JPH1: variants seen among roughly 807,000 people sequenced by gnomAD.
JPH1 encodes junctophilin-1.
In JPH1, 12 loss-of-function variants were observed where a neutral mutation model predicts 53.6. The observed-to-expected ratio is 0.22, with a 90% CI of 0.14 to 0.36. The LOEUF (loss-of-function observed/expected upper bound fraction) is 0.36, where lower values mean the gene tolerates loss of function less well. Among genes scored for constraint, JPH1 ranks in the 10% least tolerant of loss-of-function variants. The pLI, the probability that JPH1 is intolerant of heterozygous loss-of-function variation, is 1.00. For synonymous variants in JPH1, 375 were observed against 363.8 expected, an observed-to-expected ratio of 1.03 and a Z score of -0.35; for missense variants, 808 against 905.5, an observed-to-expected ratio of 0.89 and a Z score of 1.38.
At chr8:74,285,147 A>AT (rs57476144) in intron 2 of JPH1, among the ~76,000 whole-genome samples, 3,090 of 151,368 alleles carry the variant, frequency 0.02, 111 homozygotes, top group African/African-American at 0.071. Context: ...CTAACTGGAG[A>AT]TTTTTTTTTA....
chr8:74,299,923 A>AG (rs1807627791), intron 2 of JPH1, among the ~76,000 whole-genome samples: 1 of 152,236 alleles, frequency 6.6e-6, no homozygotes, highest in African/African-American at 2.4e-5. Context: ...ACACCACAAA[A>AG]GTGATTCATT....
chr8:74,273,315 A>G (rs1806757686), intron 2 of JPH1, among the ~76,000 whole-genome samples: 1 of 152,326 alleles, frequency 6.6e-6, no homozygotes, highest in East Asian at 1.9e-4. Flanking sequence ...AAATACATAT[A>G]TATCTGCACC....
chr8:74,234,704 T>C lies in JPH1; in HGVS notation c.*2347A>G, dbSNP rs1806949162. On this transcript the variant is annotated 3_prime_UTR_variant, in exon 6 of 6. Transcript: ENST00000342232. ...CAAAGAAAACACACCTCCAACTTCA[T>C]TAATAACCAACTTTTTTTTATTAGA... is the stretch of plus-strand genomic sequence containing the variant. 6.6e-6 allele frequency: 1 copy of C among 152,618 alleles called. No individual in the cohort carries two copies. Among genetic ancestry groups the C allele is most frequent in the Non-Finnish European group, 1.5e-5 (1 of 68,018 alleles). The allele number at this position is 152,618 out of a possible 1,614,324, so 9.5% of individuals were successfully genotyped here. A position where few individuals can be genotyped will look rare whatever the true frequency, so the allele number is the denominator to read the frequency against.
chr8:74,290,153 A>G (rs1040441837), intron 2 of JPH1, among the ~76,000 whole-genome samples: 8 of 152,340 alleles, frequency 5.3e-5, no homozygotes, highest in African/African-American at 1.9e-4. Context: ...GGCCAGGACA[A>G]TCAGGCAAGA....
At chr8:74,254,744 C>G (rs1806167561) in intron 3 of JPH1, among the ~76,000 whole-genome samples, 2 of 152,052 alleles carry the variant, frequency 1.3e-5, no homozygotes, top group Admixed American at 6.5e-5. Context: ...TTCTTATACA[C>G]CAATAACAGA....
At chr8:74,261,356 T>C (rs1333210107) in intron 2 of JPH1, among the ~76,000 whole-genome samples, 1 of 152,154 alleles carries the variant, frequency 6.6e-6, no homozygotes, top group Non-Finnish European at 1.5e-5. Context: ...AGGAGGTGTA[T>C]GGGAACTTTG....
rs200624589 is a variant in JPH1, at chr8:74,265,806, G to A, written c.1140-6303C>T. 4.6e-5 allele frequency among the ~76,000 whole-genome samples: 7 copies of A among 152,072 alleles called. No individual in the cohort carries two copies. In the East Asian group the frequency reaches 1.4e-3, roughly 29 times the overall value. On this transcript the variant is annotated intron_variant, in intron 2 of 5. Coordinates refer to ENST00000342232, the MANE Select transcript of JPH1 (RefSeq NM_020647.4). ...ACAACCTGATTGAAAAATGGGCAAA[G>A]GACTTGAATAAACATTTCTGCAAAG...
chr8:74,270,377 C>G (rs1382033337), intron 2 of JPH1, among the ~76,000 whole-genome samples: 2 of 152,174 alleles, frequency 1.3e-5, no homozygotes, highest in Non-Finnish European at 2.9e-5. Context: ...ATGGGAGTCT[C>G]AAATTTGTTG....
intron 3 of JPH1, 152 bp from the exon 4 acceptor site, chr8:74,245,327 A>G: frequency 1.4e-6 from 1 of 701,872 alleles, no homozygotes; most frequent in East Asian, 3.1e-5. Context: ...AAGTTTATTT[A>G]TTATGGAAAG....
intron 2 of JPH1, among the ~76,000 whole-genome samples, chr8:74,264,817 T>C (rs1010018397): frequency 7.2e-5 from 11 of 152,184 alleles, no homozygotes; most frequent in Non-Finnish European, 1.5e-5. Flanking sequence ...AGGCTATCCA[T>C]TATGGGGAAT....
chr8:74,302,168 C>T (rs1807701896), intron 2 of JPH1, among the ~76,000 whole-genome samples: 1 of 152,198 alleles, frequency 6.6e-6, no homozygotes, highest in Admixed American at 6.5e-5. Context: ...AAATTACTGA[C>T]CTCAGACCAC....
intron 2 of JPH1, among the ~76,000 whole-genome samples, chr8:74,304,131 G>A (rs377037078): frequency 8.5e-5 from 13 of 152,300 alleles, no homozygotes; most frequent in African/African-American, 2.6e-4. Flanking sequence ...CTTCCTATGC[G>A]TTACCTAAGC....
intron 2 of JPH1, among the ~76,000 whole-genome samples, chr8:74,304,068 C>A (rs1049273442): frequency 6.6e-6 from 1 of 152,334 alleles, no homozygotes; most frequent in African/African-American, 2.4e-5. Context: ...TTGGTTCTCA[C>A]TCTGGATGCA....
chr8:74,235,619 CT>C lies in JPH1; in HGVS notation c.*1431del, dbSNP rs1279161041. 3 of 152,558 alleles carry C rather than the reference CT, an allele frequency of 2.0e-5. No individual in the cohort carries two copies. The highest frequency in any genetic ancestry group is 1.5e-5 in the Non-Finnish European group (1 of 68,002). The allele number at this position is 152,558 out of a possible 1,614,324, so 9.5% of individuals were successfully genotyped here. On this transcript the variant is annotated 3_prime_UTR_variant, in exon 6 of 6. Transcript: ENST00000342232. ...AGATTAGATAGATATCTTTCTTCCC[CT>C]GATTTCTTTTTAAGTAATTACTTTT...
Position 74,272,752 on chromosome 8 carries a change from C to T in JPH1, c.1140-13249G>A, listed in dbSNP as rs182392998. 5.9e-3 allele frequency among the ~76,000 whole-genome samples: 894 copies of T among 152,058 alleles called. 10 individuals carry two copies. Among genetic ancestry groups the T allele is most frequent in the African/African-American group, 0.02 (845 of 41,486 alleles). On this transcript the variant is annotated intron_variant, in intron 2 of 5. Coordinates refer to ENST00000342232, the MANE Select transcript of JPH1 (RefSeq NM_020647.4). ...CCGTGTAGCTGGGACTACAGGCGCG[C>T]GCCACCATGCCCGGCTAATTTTTTT...
In JPH1 at chr8:74,317,111, C is replaced by T. The variant is rs142508603; in HGVS notation, c.380-1491G>A. Among the ~76,000 whole-genome samples, 22 of 152,284 alleles carry T rather than the reference C, an allele frequency of 1.4e-4. No individual in the cohort carries two copies. The East Asian group carries it at 1.7e-3, about 12-fold the overall frequency. On this transcript the variant is annotated intron_variant, in intron 1 of 5. Transcript: ENST00000342232. Reference sequence around the variant, plus strand: ...TGGCACATATTCATTTTCAAAACACCGGGCAAAAATGCTAGTGGTTTTATA... The same window carrying T: ...TGGCACATATTCATTTTCAAAACACTGGGCAAAAATGCTAGTGGTTTTATA...
chr8:74,245,697 C>A (rs980137575), intron 3 of JPH1, among the ~76,000 whole-genome samples: 1 of 152,114 alleles, frequency 6.6e-6, no homozygotes, highest in Non-Finnish European at 1.5e-5. Context: ...TCCATGTAGT[C>A]CATTCACAGC....
At chr8:74,274,209 G>A (rs980579939) in intron 2 of JPH1, among the ~76,000 whole-genome samples, 1 of 152,150 alleles carries the variant, frequency 6.6e-6, no homozygotes, top group Admixed American at 6.5e-5. Context: ...CCACCCAATA[G>A]GTGGGGCAGT....
rs188005848 is a variant in JPH1, at chr8:74,279,823, A to G, written c.1140-20320T>C. Among the ~76,000 whole-genome samples, 1,474 of 152,332 alleles carry G rather than the reference A, an allele frequency of 9.7e-3. 28 individuals are homozygous for G. Among genetic ancestry groups the G allele is most frequent in the African/African-American group, 0.034 (1,411 of 41,566 alleles). ...AAAACCTAAGAATTCTGAGGAACAC[A>G]GTTTGAAAACCACTGGAAAACTAAA... On this transcript the variant is annotated intron_variant, in intron 2 of 5. Transcript: ENST00000342232.
Sources: gnomAD v4.1 joint callset for allele counts (sites outside exome capture counted in the v4.1 genomes callset) on GRCh38, gnomAD v4.1.1 for gene constraint, MANE v1.5 for transcripts, NCBI Gene and HGNC (gene_info 2026-07-23, HGNC 2026-07-21) for gene names.